MTMR8: variants seen among roughly 807,000 people sequenced by gnomAD.
MTMR8 encodes the protein myotubularin related protein 8.
A neutral mutation model predicts 39.3 loss-of-function variants in MTMR8; 65 were observed. The observed-to-expected ratio is 1.65, with a 90% CI of 1.35 to 2.03. The LOEUF (loss-of-function observed/expected upper bound fraction) is 2.03. MTMR8 is among the 30% of genes most tolerant of loss of function. MTMR8 has a pLI of 0.00. For synonymous variants in MTMR8, 245 were observed against 185.2 expected (o/e 1.32, Z -2.62); for missense variants, 777 against 538.9 (o/e 1.44, Z -4.37).
At chrX:64,335,010 G>A (rs960211295) in intron 10 of MTMR8, among the ~76,000 whole-genome samples, 3 of 111,728 alleles carry the variant, frequency 2.7e-5, no homozygotes, top group African/African-American at 9.8e-5. Context: ...AATGTTTGTG[G>A]GTGAAGGAAG....
intron 12 of MTMR8, chrX:64,305,613 C>A (rs751593895): frequency 7.7e-6 from 4 of 521,920 alleles, no homozygotes; most frequent in African/African-American, 6.9e-5. Context: ...AACCACCCGG[C>A]GGCTGAGAAG....
At chrX:64,359,060 G>A (rs994832557) in intron 2 of MTMR8, among the ~76,000 whole-genome samples, 13 of 110,779 alleles carry the variant, frequency 1.2e-4, no homozygotes, top group African/African-American at 4.3e-4. Flanking sequence ...AGATGCTGCT[G>A]GTTCTTGAAC....
intron 1 of MTMR8, among the ~76,000 whole-genome samples, chrX:64,381,480 G>T (rs1221601575): frequency 9.6e-6 from 1 of 103,843 alleles, no homozygotes. Flanking sequence ...ATTTGTTGGA[G>T]TTCATTGTAG....
At chrX:64,369,441 C>A in intron 1 of MTMR8, among the ~76,000 whole-genome samples, 1 of 111,334 alleles carries the variant, frequency 9.0e-6, no homozygotes, top group Admixed American at 9.6e-5. Flanking sequence ...GCCATAAAAA[C>A]GGCTGAGTTC....
chrX:64,320,259 C>T (rs748348755), intron 12 of MTMR8, among the ~76,000 whole-genome samples: 1 of 110,913 alleles, frequency 9.0e-6, no homozygotes, highest in East Asian at 2.8e-4. Context: ...GATTTTGTAT[C>T]CTGAGACTTA....
At chrX:64,298,735 T>A (rs1384331017) in intron 12 of MTMR8, among the ~76,000 whole-genome samples, 2 of 72,908 alleles carry the variant, frequency 2.7e-5, no homozygotes, top group Non-Finnish European at 4.2e-5. Flanking sequence ...TAGCTCTTAT[T>A]ATTTTGAAAT....
chrX:64,307,878 AT>A (rs1277075145), intron 12 of MTMR8, among the ~76,000 whole-genome samples: 1 of 112,079 alleles, frequency 8.9e-6, no homozygotes, highest in Non-Finnish European at 1.9e-5. Context: ...CTTTATCAGC[AT>A]TTTCTAATTG....
At chrX:64,304,905 T>C (rs1382114464) in intron 12 of MTMR8, 38 of 78,859 alleles carry the variant, frequency 4.8e-4, no homozygotes, top group African/African-American at 1.5e-3. Context: ...TATATATATA[T>C]ATACACATAC....
At chrX:64,350,462 C>T (rs926593370) in intron 4 of MTMR8, among the ~76,000 whole-genome samples, 4 of 111,502 alleles carry the variant, frequency 3.6e-5, no homozygotes, top group African/African-American at 1.3e-4. Context: ...TTTTGTTTTT[C>T]TAATTCTAAA....
chrX:64,380,366 T>G lies in MTMR8; in HGVS notation c.24+14974A>C, dbSNP rs1924379002. Among the ~76,000 whole-genome samples, 5 of 112,554 alleles carry G rather than the reference T, an allele frequency of 4.4e-5. No homozygotes were observed. The South Asian group carries it at 1.8e-3, about 41-fold the overall frequency. On this transcript the variant is annotated intron_variant, in intron 1 of 13. Coordinates refer to ENST00000374852, the MANE Select transcript of MTMR8 (RefSeq NM_017677.4). The stretch of plus-strand genomic sequence containing the variant: ...ACAAACCTTCTTTCAGTTAAACCAG[T>G]GGTACTACCTGGGCTATATGCCAGG...
At chrX:64,284,199 C>A (rs74826586) in intron 12 of MTMR8, among the ~76,000 whole-genome samples, 3 of 111,474 alleles carry the variant, frequency 2.7e-5, no homozygotes, top group Non-Finnish European at 5.7e-5. Context: ...GTAGATGATT[C>A]GATCAATTGG....
chrX:64,357,344 A>G (rs974080032), intron 2 of MTMR8, among the ~76,000 whole-genome samples: 1 of 111,688 alleles, frequency 9.0e-6, no homozygotes, highest in African/African-American at 3.3e-5. Flanking sequence ...TGGAAAAGTC[A>G]TCTCTTCAAT....
chrX:64,281,026 C>T (rs770935661), intron 12 of MTMR8, among the ~76,000 whole-genome samples: 1 of 110,877 alleles, frequency 9.0e-6, no homozygotes, highest in Non-Finnish European at 1.9e-5. Flanking sequence ...GAACTATAAA[C>T]CACTGCTCAA....
At chrX:64,313,943 G>A (rs750645984) in intron 12 of MTMR8, among the ~76,000 whole-genome samples, 1 of 112,009 alleles carries the variant, frequency 8.9e-6, no homozygotes, top group Non-Finnish European at 1.9e-5. Flanking sequence ...ACTGTCCTTT[G>A]GATGTTTTTA....
intron 12 of MTMR8, among the ~76,000 whole-genome samples, chrX:64,285,119 TGGAG>T (rs1314183819): frequency 9.0e-6 from 1 of 110,982 alleles, no homozygotes; most frequent in Non-Finnish European, 1.9e-5. Context: ...AATAAAGGGA[TGGAG>T]GAAGATCTAC....
At chrX:64,303,654 C>T (rs1455909955) in intron 12 of MTMR8, among the ~76,000 whole-genome samples, 1 of 112,194 alleles carries the variant, frequency 8.9e-6, no homozygotes, top group African/African-American at 3.2e-5. Flanking sequence ...TACATAACCT[C>T]AAAACTGAGG....
chrX:64,309,363 G>A (rs192210273), intron 12 of MTMR8, among the ~76,000 whole-genome samples: 1 of 111,364 alleles, frequency 9.0e-6, no homozygotes, highest in Non-Finnish European at 1.9e-5. Context: ...GTGTGCTAAT[G>A]TAAATGGTAT....
At chrX:64,384,454 C>T (rs770380162) in intron 1 of MTMR8, among the ~76,000 whole-genome samples, 18 of 111,599 alleles carry the variant, frequency 1.6e-4, no homozygotes, top group Non-Finnish European at 2.5e-4. Flanking sequence ...CTATACTGCC[C>T]TAGTAGAGGT....
chrX:64,284,487 C>G (rs982025730), intron 12 of MTMR8, among the ~76,000 whole-genome samples: 2 of 111,367 alleles, frequency 1.8e-5, no homozygotes, highest in Non-Finnish European at 3.8e-5. Flanking sequence ...AACAAAGATA[C>G]TCTTCGAGAA....
Sources: allele counts gnomAD v4.1 joint callset (sites outside exome capture counted in the v4.1 genomes callset), GRCh38; gene constraint gnomAD v4.1.1; transcripts MANE v1.5; gene names NCBI Gene and HGNC (gene_info 2026-07-23, HGNC 2026-07-21).